TPTE2: variants seen among roughly 807,000 people sequenced by gnomAD.
TPTE2 encodes the protein phosphatidylinositol 3,4,5-trisphosphate 3-phosphatase TPTE2.
TPTE2 carries 53 observed loss-of-function variants against 78.6 expected under a neutral mutation model. That is an observed-to-expected ratio of 0.67 (90% confidence interval 0.54 to 0.85). TPTE2 has a LOEUF of 0.85. TPTE2 is among the 40% of genes least tolerant of loss of function. The pLI, the probability that TPTE2 is intolerant of heterozygous loss-of-function variation, is 0.00. For missense variants in TPTE2, 461 were observed against 623.0 expected (o/e 0.74, Z 2.77); for synonymous variants, 175 against 206.2 (o/e 0.85, Z 1.30).
At chr13:19,491,781 C>T (rs1408401956) in intron 3 of TPTE2, among the ~76,000 whole-genome samples, 3 of 152,050 alleles carry the variant, frequency 2.0e-5, no homozygotes, top group Admixed American at 1.3e-4. Flanking sequence ...GCCGAGATCG[C>T]GCCACTGCAC....
intron 1 of TPTE2, among the ~76,000 whole-genome samples, chr13:19,520,084 A>T (rs1870059433): frequency 6.6e-6 from 1 of 152,010 alleles, no homozygotes; most frequent in Admixed American, 6.6e-5. Flanking sequence ...TTTTTTGCAC[A>T]TTGATCTTAT....
In TPTE2 at chr13:19,521,809, T is replaced by G. The variant is rs898328712; in HGVS notation, c.-44+14787A>C. On this transcript the variant is annotated intron_variant, in intron 1 of 17. Transcript: ENST00000390680. Reference sequence around the variant, plus strand: ...CTCTTCCATTGTGCTGTTAATGCCTTATAAACCATATCTTCATATACTCTA... The same window carrying G: ...CTCTTCCATTGTGCTGTTAATGCCTGATAAACCATATCTTCATATACTCTA... Among the ~76,000 whole-genome samples the G allele has an allele frequency of 1.8e-4, 27 of 152,274 alleles. 1 individual carries two copies. Among genetic ancestry groups the G allele is most frequent in the Admixed American group, 1.8e-3 (27 of 15,292 alleles).
At chr13:19,500,960 A>G (rs1438889271) in intron 1 of TPTE2, among the ~76,000 whole-genome samples, 2 of 142,536 alleles carry the variant, frequency 1.4e-5, no homozygotes, top group Admixed American at 7.2e-5. Flanking sequence ...AAGTCTCAGG[A>G]TGCAAAATCA....
At chr13:19,427,824 A>G (rs1406118002) in intron 17 of TPTE2, among the ~76,000 whole-genome samples, 2 of 152,250 alleles carry the variant, frequency 1.3e-5, no homozygotes, top group Non-Finnish European at 2.9e-5. Context: ...ACTCATTCTC[A>G]TAGAAATAAT....
intron 15 of TPTE2, among the ~76,000 whole-genome samples, chr13:19,435,178 T>C (rs1467873618): frequency 6.6e-6 from 1 of 152,216 alleles, no homozygotes; most frequent in African/African-American, 2.4e-5. Context: ...GTGGACTTTG[T>C]TTGAATTCTG....
At chr13:19,471,004 G>T (rs1303626629) in intron 6 of TPTE2, among the ~76,000 whole-genome samples, 2 of 151,590 alleles carry the variant, frequency 1.3e-5, no homozygotes, top group Non-Finnish European at 2.9e-5. Flanking sequence ...CTGCCTCCCG[G>T]GTTCAAGTGA....
intron 10 of TPTE2, among the ~76,000 whole-genome samples, chr13:19,453,022 G>T (rs9551483): frequency 0.15 from 2,747 of 17,758 alleles, 73 homozygotes; most frequent in African/African-American, 0.27. Context: ...GTTATTTTAT[G>T]TTATTTTATT....
At chr13:19,441,167 C>CA (rs201074331) in intron 13 of TPTE2, among the ~76,000 whole-genome samples, 11 of 151,490 alleles carry the variant, frequency 7.3e-5, no homozygotes, top group South Asian at 2.1e-4. Flanking sequence ...AATACAGGAA[C>CA]AAAAAACCAA....
At chr13:19,445,623 C>A (rs1336169740) in intron 13 of TPTE2, among the ~76,000 whole-genome samples, 1 of 152,152 alleles carries the variant, frequency 6.6e-6, no homozygotes, top group Non-Finnish European at 1.5e-5. Context: ...GCCACATGTG[C>A]AACAAGAAAC....
upstream of TPTE2, among the ~76,000 whole-genome samples, chr13:19,506,450 G>T (rs571947362): frequency 6.6e-6 from 1 of 152,212 alleles, no homozygotes; most frequent in Non-Finnish European, 1.5e-5. Flanking sequence ...TGGGATTACA[G>T]GCGTGAGCCA....
exon 12 of TPTE2, chr13:19,450,272 G>A (rs774675223): frequency 5.6e-6 from 9 of 1,611,054 alleles, no homozygotes; most frequent in Non-Finnish European, 7.6e-6. Flanking sequence ...CTGTAGAGTG[G>A]GGACATTATG....
intron 3 of TPTE2, among the ~76,000 whole-genome samples, chr13:19,489,483 A>G (rs1880853261): frequency 6.6e-6 from 1 of 150,786 alleles, no homozygotes; most frequent in African/African-American, 2.4e-5. Flanking sequence ...ATATGTTTAC[A>G]TATATATACA....
Position 19,535,564 on chromosome 13 carries a change from G to A in TPTE2, c.-44+1032C>T, listed in dbSNP as rs182738469. Among the ~76,000 whole-genome samples, 1 of 152,050 alleles carries A rather than the reference G, an allele frequency of 6.6e-6. No individual in the cohort carries two copies. Among genetic ancestry groups the A allele is most frequent in the African/African-American group, 2.4e-5 (1 of 41,524 alleles). ...TAAAATCAAGGATTAAATTTAGATT[G>A]ATTAATAAGTGACTGAGGTTCTAAG... On this transcript the variant is annotated intron_variant, in intron 1 of 17. Coordinates refer to the TPTE2 transcript ENST00000390680. The surrounding 1 kb of genome is among the most constrained non-coding windows in gnomAD (Gnocchi z 5.1).
At chr13:19,423,876 G>T (rs1302728060) in intron 19 of TPTE2, among the ~76,000 whole-genome samples, 1 of 152,206 alleles carries the variant, frequency 6.6e-6, no homozygotes, top group East Asian at 1.9e-4. Context: ...TTGAGGAGCA[G>T]CATCAAATGA....
At chr13:19,454,020 T>C (rs567038957) in intron 10 of TPTE2, among the ~76,000 whole-genome samples, 4 of 152,292 alleles carry the variant, frequency 2.6e-5, no homozygotes, top group Admixed American at 1.3e-4. Context: ...CATTCCTTGA[T>C]TTGGAGGCAA....
chr13:19,482,986 C>T (rs914280772), intron 3 of TPTE2, among the ~76,000 whole-genome samples: 7 of 152,160 alleles, frequency 4.6e-5, no homozygotes, highest in Admixed American at 4.6e-4. Context: ...GTTATGTTTA[C>T]CCTACACTGT....
intron 10 of TPTE2, among the ~76,000 whole-genome samples, chr13:19,452,281 T>G (rs1317313235): frequency 6.6e-6 from 1 of 152,070 alleles, no homozygotes; most frequent in East Asian, 1.9e-4. Context: ...TAAGCAAATT[T>G]TAATCAATTC....
chr13:19,423,290 T>G, intron 19 of TPTE2, 126 bp from the exon 23 acceptor site: 2 of 615,546 alleles, frequency 3.2e-6, no homozygotes, highest in Non-Finnish European at 5.3e-6. Context: ...CCCAGACCCT[T>G]TTTTGCATTT....
chr13:19,556,109 G>A, the TPTE2 span, among the ~76,000 whole-genome samples: 98,711 of 151,724 alleles, frequency 0.65, 34,603 homozygotes, highest in East Asian at 0.89. Flanking sequence ...CACTGCGCCC[G>A]GCCAACAAAT....
Sources: allele counts gnomAD v4.1 joint callset (sites outside exome capture counted in the v4.1 genomes callset), GRCh38; gene constraint gnomAD v4.1.1; non-coding constraint Gnocchi (gnomAD v3.1); transcripts MANE v1.5; gene names NCBI Gene and HGNC (gene_info 2026-07-23, HGNC 2026-07-21).